LRRTM4: variants seen among roughly 807,000 people sequenced by gnomAD.
The protein encoded by LRRTM4 is leucine-rich repeat transmembrane neuronal protein 4.
A neutral mutation model predicts 47.6 loss-of-function variants in LRRTM4; 25 were observed. The observed-to-expected ratio is 0.53, with a 90% CI of 0.38 to 0.73. The LOEUF is 0.73. Among genes scored for constraint, LRRTM4 ranks in the 30% least tolerant of loss-of-function variants. The probability of loss-of-function intolerance (pLI) is 0.00; values close to 1 mark genes in which losing one functional copy is unlikely to be tolerated. For synonymous variants in LRRTM4, 311 were observed against 269.5 expected (o/e 1.15, Z -1.51); for missense variants, 638 against 713.4 (o/e 0.89, Z 1.20).
In LRRTM4 at chr2:76,829,279, G is replaced by C. The variant is rs1671268953; in HGVS notation, c.1552-80363C>G. 2.0e-5 allele frequency among the ~76,000 whole-genome samples: 3 copies of C among 152,026 alleles called. No individual in the cohort carries two copies. In the South Asian group the frequency reaches 6.2e-4, roughly 32 times the overall value. On this transcript the variant is annotated intron_variant, in intron 3 of 3. Transcript: ENST00000409884. The stretch of plus-strand genomic sequence containing the variant: ...TAGTTGAGGGTGTCCATACACATGT[G>C]TATAAGGCTCCTCGAGTGCAGGAAG...
intron 3 of LRRTM4, among the ~76,000 whole-genome samples, chr2:77,485,614 G>T (rs567488353): frequency 1.3e-5 from 2 of 152,202 alleles, no homozygotes; most frequent in East Asian, 1.9e-4. Flanking sequence ...AACCAATGAG[G>T]TTTTCAAATA....
At position 77,521,837 on chromosome 2, in the gene LRRTM4, CAAAAAA is replaced by C. The variant is rs5832290; in HGVS notation, c.-147-25_-147-20del. On this transcript the variant is annotated intron_variant, in intron 1 of 3. Transcript: ENST00000409884. ...ATACAAACTTCCCCGAGAGGACAGG[CAAAAAA>C]AAAAAAAAAAAATACATATATATAT... 70 of 156,234 alleles carry C rather than the reference CAAAAAA, an allele frequency of 4.5e-4. No individual in the cohort carries two copies. The highest frequency in any genetic ancestry group is 2.3e-3 in the Middle Eastern group (1 of 434). 9.7% of individuals were successfully genotyped at this position (156,234 alleles called of 1,614,324 possible).
At chr2:76,864,536 A>C (rs1290869147) in intron 3 of LRRTM4, among the ~76,000 whole-genome samples, 1 of 151,956 alleles carries the variant, frequency 6.6e-6, no homozygotes, top group African/African-American at 2.4e-5. Context: ...GCATGCCTGT[A>C]ATCCCAGCTA....
At chr2:76,868,056 C>T (rs13353371) in intron 3 of LRRTM4, among the ~76,000 whole-genome samples, 1,922 of 152,212 alleles carry the variant, frequency 0.013, 43 homozygotes, top group African/African-American at 0.044. Context: ...CCTGTTGACT[C>T]AGATGTTCCG....
At chr2:77,148,464 G>C (rs887262233) in intron 3 of LRRTM4, among the ~76,000 whole-genome samples, 4 of 152,002 alleles carry the variant, frequency 2.6e-5, no homozygotes, top group South Asian at 2.1e-4. Flanking sequence ...CAACTAGTTG[G>C]CATTGCCCCA....
intron 3 of LRRTM4, among the ~76,000 whole-genome samples, chr2:76,946,783 T>G (rs551456986): frequency 2.0e-5 from 3 of 151,922 alleles, no homozygotes; most frequent in African/African-American, 7.2e-5. Context: ...TTATACAACA[T>G]TAAAAAGTGG....
At chr2:77,101,619 C>T (rs1339786590) in intron 3 of LRRTM4, among the ~76,000 whole-genome samples, 1 of 152,050 alleles carries the variant, frequency 6.6e-6, no homozygotes, top group South Asian at 2.1e-4. Context: ...CCTGGCAGTC[C>T]AAAGCCCATC....
chr2:76,950,886 T>C (rs1228674792), intron 3 of LRRTM4, among the ~76,000 whole-genome samples: 4 of 152,044 alleles, frequency 2.6e-5, no homozygotes, highest in Non-Finnish European at 5.9e-5. Context: ...AAAAACCTCA[T>C]TGTTTTCCTG....
chr2:76,776,628 G>C (rs1417642996), intron 3 of LRRTM4, among the ~76,000 whole-genome samples: 18 of 151,536 alleles, frequency 1.2e-4, no homozygotes, highest in African/African-American at 3.9e-4. Context: ...TTGTAAATTT[G>C]TTTGAGTTCA....
At chr2:77,045,844 C>T (rs1337538585) in intron 3 of LRRTM4, among the ~76,000 whole-genome samples, 1 of 151,848 alleles carries the variant, frequency 6.6e-6, no homozygotes, top group Non-Finnish European at 1.5e-5. Flanking sequence ...TTGCTATCAT[C>T]TGATATCCAG....
chr2:76,798,819 A>C (rs1675501759), intron 3 of LRRTM4, among the ~76,000 whole-genome samples: 1 of 152,100 alleles, frequency 6.6e-6, no homozygotes, highest in South Asian at 2.1e-4. Flanking sequence ...AATACTACAA[A>C]CACCTCTACG....
intron 3 of LRRTM4, among the ~76,000 whole-genome samples, chr2:77,241,619 A>G (rs1379168046): frequency 6.6e-6 from 1 of 152,014 alleles, no homozygotes; most frequent in African/African-American, 2.4e-5. Flanking sequence ...AATGTATGGA[A>G]TAAGCTCTGG....
chr2:77,400,934 A>G (rs1374698433), intron 3 of LRRTM4, among the ~76,000 whole-genome samples: 2 of 151,952 alleles, frequency 1.3e-5, no homozygotes, highest in Admixed American at 1.3e-4. Context: ...TGACATGTGA[A>G]AATTATACAA....
In LRRTM4 at chr2:77,516,536, A is replaced by T. The variant is rs376983950; in HGVS notation, c.1551+1782T>A. 5.2e-4 allele frequency: 436 copies of T among 840,018 alleles called. 9 individuals carry two copies. The South Asian group carries it at 0.02, about 39-fold the overall frequency. The allele number at this position is 840,018 out of a possible 1,614,324, so 52.0% of individuals were successfully genotyped here. ...CTAGAATTTTCTTTTCTTTTTATAT[A>T]CCAGCCTTTAAGAGGATCACAAAAT... On this transcript the variant is annotated intron_variant, in intron 3 of 3. Transcript: ENST00000409884.
Position 77,457,077 on chromosome 2 carries a change from C to A in LRRTM4, c.1551+61241G>T, listed in dbSNP as rs550836885. Reference sequence around the variant, plus strand: ...GTATAACCTGGAACTCTTTGACAAGCCTTTGCTTCACTTCTCTTGGTGATT... The same window carrying A: ...GTATAACCTGGAACTCTTTGACAAGACTTTGCTTCACTTCTCTTGGTGATT... On this transcript the variant is annotated intron_variant, in intron 3 of 3. Coordinates refer to ENST00000409884, the MANE Select transcript of LRRTM4 (RefSeq NM_001134745.3). Among the ~76,000 whole-genome samples the A allele has an allele frequency of 7.5e-5, 10 of 133,592 alleles. No individual in the cohort carries two copies. In the South Asian group the frequency reaches 2.3e-3, roughly 31 times the overall value. The allele number at this position is 133,592 out of a possible 152,430, so 87.6% of individuals were successfully genotyped here.
At chr2:77,434,642 C>T (rs1675520459) in intron 3 of LRRTM4, among the ~76,000 whole-genome samples, 1 of 152,126 alleles carries the variant, frequency 6.6e-6, no homozygotes, top group African/African-American at 2.4e-5. Context: ...TTATGGAGAA[C>T]TTTCTCTCCA....
At chr2:76,984,116 TGTTA>T (rs1676708886) in intron 3 of LRRTM4, among the ~76,000 whole-genome samples, 2 of 152,074 alleles carry the variant, frequency 1.3e-5, no homozygotes, top group East Asian at 1.9e-4. Context: ...TATGTTAAAA[TGTTA>T]GTAATTGCAT....
At chr2:77,148,262 G>A (rs778215852) in intron 3 of LRRTM4, among the ~76,000 whole-genome samples, 4 of 152,022 alleles carry the variant, frequency 2.6e-5, no homozygotes, top group Admixed American at 1.3e-4. Context: ...GAATGCCTTG[G>A]GTGTCTTGCA....
intron 3 of LRRTM4, among the ~76,000 whole-genome samples, chr2:77,378,857 G>A (rs567990408): frequency 7.9e-5 from 12 of 152,234 alleles, no homozygotes; most frequent in African/African-American, 2.9e-4. Context: ...GGTTTACCTG[G>A]AACAGGTTGA....
Sources: allele counts gnomAD v4.1 joint callset (sites outside exome capture counted in the v4.1 genomes callset), GRCh38; gene constraint gnomAD v4.1.1; transcripts MANE v1.5; gene names NCBI Gene and HGNC (gene_info 2026-07-23, HGNC 2026-07-21).